STON1: variants seen among roughly 807,000 people sequenced by gnomAD.
STON1 encodes the protein stonin 1.
Under a neutral mutation model 60.9 loss-of-function variants are expected in STON1, and 79 were observed. That is an observed-to-expected ratio of 1.30 (90% CI 1.08 to 1.56). STON1 has a LOEUF of 1.56. STON1 is among the 40% of genes most tolerant of loss of function. STON1 has a pLI of 0.00. For synonymous variants in STON1, 363 were observed against 306.9 expected (o/e 1.18, Z -1.91); for missense variants, 1,166 against 858.9 (o/e 1.36, Z -4.47).
rs1474383693 is a variant in STON1, at chr2:48,574,450, C to T, written c.-47-6137C>T. On this transcript the variant is annotated intron_variant, in intron 1 of 3. Transcript: ENST00000404752. Reference sequence around the variant, plus strand: ...ATGGTTTCACAATTGTGTTAACATACTAAACATACTAAAAGCCACTGAACT... The same window carrying T: ...ATGGTTTCACAATTGTGTTAACATATTAAACATACTAAAAGCCACTGAACT... 2.6e-5 allele frequency among the ~76,000 whole-genome samples: 4 copies of T among 151,572 alleles called. No individual in the cohort carries two copies. In the East Asian group the frequency reaches 7.7e-4, roughly 29 times the overall value.
chr2:48,564,842 C>G lies in STON1; in HGVS notation c.-47-15745C>G, dbSNP rs542832916. Among the ~76,000 whole-genome samples, 6 of 147,706 alleles carry G rather than the reference C, an allele frequency of 4.1e-5. No homozygotes were observed. The South Asian group carries it at 1.3e-3, about 32-fold the overall frequency. On this transcript the variant is annotated intron_variant, in intron 1 of 3. Transcript: ENST00000404752. ...CTGCCTCCTGGGTCCAAGTGATTCTCCTGCCTCAGCCTCCTGAGTAGCTGG... is the reference window on the plus strand; with the variant it reads ...CTGCCTCCTGGGTCCAAGTGATTCTGCTGCCTCAGCCTCCTGAGTAGCTGG...
intron 1 of STON1, among the ~76,000 whole-genome samples, chr2:48,575,761 T>TG (rs1263054525): frequency 4.2e-5 from 3 of 72,170 alleles, no homozygotes; most frequent in African/African-American, 5.4e-5. Flanking sequence ...TTTTGTTTGT[T>TG]TTTTTTTTTT....
intron 1 of STON1, among the ~76,000 whole-genome samples, chr2:48,534,336 A>G (rs1003747485): frequency 2.0e-5 from 3 of 152,142 alleles, no homozygotes; most frequent in Non-Finnish European, 4.4e-5. Context: ...AGTTTCAGAA[A>G]CTAGAACCAG....
At chr2:48,559,049 G>C (rs1260823388) in intron 1 of STON1, among the ~76,000 whole-genome samples, 1 of 145,158 alleles carries the variant, frequency 6.9e-6, no homozygotes, top group Non-Finnish European at 1.5e-5. Context: ...GAGCTGGTAA[G>C]TATAATACAA....
At chr2:48,541,321 C>A (rs1016364519) in intron 1 of STON1, among the ~76,000 whole-genome samples, 1 of 150,994 alleles carries the variant, frequency 6.6e-6, no homozygotes, top group African/African-American at 2.4e-5. Context: ...CTACTGCATC[C>A]CAGCCTGGGA....
intron 1 of STON1, among the ~76,000 whole-genome samples, chr2:48,565,745 G>T (rs1042269609): frequency 6.6e-6 from 1 of 152,168 alleles, no homozygotes; most frequent in Non-Finnish European, 1.5e-5. Flanking sequence ...GACAGAGGAG[G>T]AGAAAGGAAA....
chr2:48,589,589 A>G (rs961433806), intron 2 of STON1, among the ~76,000 whole-genome samples: 12 of 152,246 alleles, frequency 7.9e-5, no homozygotes, highest in Admixed American at 2.6e-4. Flanking sequence ...AGAAAACTTG[A>G]AAGGAAAAAG....
At chr2:48,550,367 C>T (rs1672046994) in intron 1 of STON1, among the ~76,000 whole-genome samples, 2 of 151,042 alleles carry the variant, frequency 1.3e-5, no homozygotes, top group South Asian at 2.1e-4. Flanking sequence ...CATGGTGGTG[C>T]GTGCCTGTAA....
chr2:48,581,489 A>G lies in STON1; in HGVS notation c.856A>G (p.Lys286Glu). Residue 286 changes from lysine (K) to glutamate (E), a missense_variant, in exon 2 of 4, where the codon AAG becomes GAG. Transcript: ENST00000404752. ...WSFMLRIPEK[K>E]NMMSSRQWGP... The stretch of plus-strand genomic sequence containing the variant: ...TTTCATGCTGAGAATTCCTGAGAAG[A>G]AGAATATGATGTCTTCCCGGCAATG... 6.2e-7 allele frequency: 1 copy of G among 1,614,232 alleles called. No homozygotes were observed. The highest frequency in any genetic ancestry group is 2.2e-5 in the East Asian group (1 of 44,884).
Position 48,591,199 on chromosome 2 carries a change from A to G in STON1, c.1931-454A>G, listed in dbSNP as rs1206389921. Among the ~76,000 whole-genome samples, 6 of 150,252 alleles carry G rather than the reference A, an allele frequency of 4.0e-5. No homozygotes were observed. The East Asian group carries it at 1.2e-3, about 29-fold the overall frequency. On this transcript the variant is annotated intron_variant, in intron 2 of 3. Transcript: ENST00000404752. ...TACTATATTGTTTAATATAAATTAA[A>G]CATTAATATTAAAAATATTGCTTAA...
rs190368611 is a variant in STON1 at position 48,583,641 on chromosome 2, A to G, written c.1930+1078A>G. Among the ~76,000 whole-genome samples the G allele has an allele frequency of 3.5e-4, 52 of 149,806 alleles. No homozygotes were observed. In the East Asian group the frequency reaches 9.6e-3, roughly 28 times the overall value. On this transcript the variant is annotated intron_variant, in intron 2 of 3. Transcript: ENST00000404752. ...GTTTTTTTTTTTTTTCCCCCCTAGC[A>G]GAGCACTGGTCACTGGTCTCTGGAG...
At position 48,591,671 on chromosome 2, in the gene STON1, G is replaced by A; in HGVS notation, c.1949G>A (p.Cys650Tyr). The change falls in exon 3 of 4, where the codon TGT (cysteine) becomes TAT (tyrosine). Residue 650 changes from cysteine (C) to tyrosine (Y), a missense_variant. Coordinates refer to ENST00000404752, the MANE Select transcript of STON1 (RefSeq NM_006873.4). ...CCTCGAGGTCTAGATCATCCCCATT[G>A]TCTGTCATACAAATTAGAGCTTGGA... ...DKNSSLDHPH[C>Y]LSYKLELGSD... 1 of 1,613,766 alleles carries A rather than the reference G, an allele frequency of 6.2e-7. No homozygotes were observed. Among genetic ancestry groups the A allele is most frequent in the Non-Finnish European group, 8.5e-7 (1 of 1,179,976 alleles).
At chr2:48,557,103 T>C (rs1572944162) in intron 1 of STON1, among the ~76,000 whole-genome samples, 4 of 89,660 alleles carry the variant, frequency 4.5e-5, no homozygotes, top group African/African-American at 1.7e-4. Flanking sequence ...CCGGACGGGG[T>C]GGCTGCCGGG....
In STON1 at chr2:48,581,138, G is replaced by C; in HGVS notation, c.505G>C (p.Asp169His). Residue 169 changes from aspartate to histidine, a missense_variant, in exon 2 of 4, where the codon GAT becomes CAT. Physicochemically the swap from Asp to His is moderately conservative, Grantham distance 81. Transcript: ENST00000404752. ...QAESLGFQSDDLPQFQYFRED... is the reference protein window; with the variant it reads ...QAESLGFQSDHLPQFQYFRED... ...TGAAAGCCTAGGATTCCAAAGTGAT[G>C]ATCTCCCCCAGTTTCAGTATTTTCG... The C allele has an allele frequency of 1.9e-6, 3 of 1,579,360 alleles. No homozygotes were observed. Among genetic ancestry groups the C allele is most frequent in the Non-Finnish European group, 2.6e-6 (3 of 1,168,746 alleles).
chr2:48,597,682 A>G lies in STON1; in HGVS notation c.*2380A>G, dbSNP rs997141989. 1.3e-5 allele frequency: 2 copies of G among 152,674 alleles called. No individual in the cohort carries two copies. Among genetic ancestry groups the G allele is most frequent in the African/African-American group, 4.8e-5 (2 of 41,464 alleles). 9.5% of individuals were successfully genotyped at this position (152,674 alleles called of 1,614,324 possible). ...ATTGTCTGTGGCAATGCAGAAGCTG[A>G]TAGCATTAACAGCAGGGTGTTACAG... On this transcript the variant is annotated 3_prime_UTR_variant, in exon 4 of 4. Coordinates refer to ENST00000404752, the MANE Select transcript of STON1 (RefSeq NM_006873.4).
intron 2 of STON1, among the ~76,000 whole-genome samples, chr2:48,591,301 G>A (rs959724248): frequency 6.7e-6 from 1 of 149,908 alleles, no homozygotes; most frequent in African/African-American, 2.4e-5. Context: ...GCTAAATATA[G>A]TAATATTTCT....
At chr2:48,554,413 G>T (rs985923111) in intron 1 of STON1, among the ~76,000 whole-genome samples, 2 of 152,036 alleles carry the variant, frequency 1.3e-5, no homozygotes, top group Non-Finnish European at 2.9e-5. Context: ...AATAGAGACG[G>T]GGTTTTACCA....
intron 1 of STON1, among the ~76,000 whole-genome samples, chr2:48,557,814 C>G (rs984635601): frequency 2.6e-5 from 4 of 152,222 alleles, no homozygotes; most frequent in African/African-American, 9.6e-5. Flanking sequence ...TCCCCATAGA[C>G]TTGGAGACTT....
chr2:48,551,490 A>T (rs1395205661), intron 1 of STON1, among the ~76,000 whole-genome samples: 1 of 152,114 alleles, frequency 6.6e-6, no homozygotes, highest in Non-Finnish European at 1.5e-5. Flanking sequence ...GATGCCCTAG[A>T]TACCTTCCTA....
Sources: gnomAD v4.1 joint callset for allele counts (sites outside exome capture counted in the v4.1 genomes callset) on GRCh38, gnomAD v4.1.1 for gene constraint, MANE v1.5 for transcripts, NCBI Gene and HGNC (gene_info 2026-07-23, HGNC 2026-07-21) for gene names.